The following APPBP2 variants were observed in gnomAD, a reference collection of about 807,000 sequenced individuals.
APPBP2 encodes the protein amyloid beta precursor protein binding protein 2, also known as amyloid protein-binding protein 2.
APPBP2 carries 15 observed loss-of-function variants against 76.0 expected under a neutral mutation model. That is an observed-to-expected ratio of 0.20 (90% CI 0.13 to 0.30). The LOEUF (loss-of-function observed/expected upper bound fraction) is 0.30, where lower values mean the gene tolerates loss of function less well. APPBP2 is among the 10% of genes least tolerant of loss of function. The pLI is 1.00. For synonymous variants in APPBP2, 222 were observed against 242.2 expected (o/e 0.92, Z 0.77); for missense variants, 401 against 687.2 (o/e 0.58, Z 4.66).
At chr17:60,464,189 T>C (rs2090494806) in intron 5 of APPBP2, 79 bp from the exon 6 acceptor site, 1 of 1,035,254 alleles carries the variant, frequency 9.7e-7, no homozygotes, top group South Asian at 1.4e-5. Flanking sequence ...CTGCAAAATT[T>C]TTCTACAAGC....
chr17:60,454,589 A>T, intron 10 of APPBP2, 97 bp from the exon 11 acceptor site: 1 of 735,196 alleles, frequency 1.4e-6, no homozygotes, highest in Non-Finnish European at 2.1e-6. Context: ...ATGTTTACTG[A>T]ATATATTTAT....
chr17:60,506,054 T>C (rs917519833), intron 1 of APPBP2, among the ~76,000 whole-genome samples: 9 of 151,396 alleles, frequency 5.9e-5, no homozygotes, highest in African/African-American at 2.2e-4. Flanking sequence ...GGCATGATCA[T>C]GACTCACTGG....
At chr17:60,470,235 AT>A (rs1374590372) in intron 4 of APPBP2, among the ~76,000 whole-genome samples, 3 of 151,852 alleles carry the variant, frequency 2.0e-5, no homozygotes, top group African/African-American at 7.3e-5. Flanking sequence ...CCTTGGGAAA[AT>A]GTCTATTCAA....
At chr17:60,508,479 C>T (rs1014923712) in intron 1 of APPBP2, among the ~76,000 whole-genome samples, 2 of 151,984 alleles carry the variant, frequency 1.3e-5, no homozygotes, top group Non-Finnish European at 1.5e-5. Flanking sequence ...ATTAAGAAAA[C>T]ACAAACTTGA....
chr17:60,468,946 T>C (rs771969148), intron 4 of APPBP2, among the ~76,000 whole-genome samples: 1 of 152,204 alleles, frequency 6.6e-6, no homozygotes, highest in Non-Finnish European at 1.5e-5. Flanking sequence ...ATATTTACCA[T>C]AAGACTGAAC....
chr17:60,523,364 G>A (rs1397598824), intron 1 of APPBP2, among the ~76,000 whole-genome samples: 1 of 151,996 alleles, frequency 6.6e-6, no homozygotes, highest in African/African-American at 2.4e-5. Flanking sequence ...GGCATGGGTG[G>A]CATACACCTG....
intron 3 of APPBP2, among the ~76,000 whole-genome samples, chr17:60,482,801 A>C (rs903986778): frequency 6.6e-6 from 1 of 152,148 alleles, no homozygotes; most frequent in Non-Finnish European, 1.5e-5. Flanking sequence ...CATGGTGTAT[A>C]TGCACCACAT....
intron 4 of APPBP2, among the ~76,000 whole-genome samples, chr17:60,472,716 A>G (rs1303313875): frequency 6.6e-6 from 1 of 152,226 alleles, no homozygotes; most frequent in African/African-American, 2.4e-5. Context: ...TACACAAAGA[A>G]TTAGCAGACA....
chr17:60,445,854 C>CTT lies in APPBP2; in HGVS notation c.*1725_*1726dup, dbSNP rs1414502004. The CTT allele has an allele frequency of 6.6e-6, 1 of 152,264 alleles. No homozygotes were observed. Among genetic ancestry groups the CTT allele is most frequent in the Non-Finnish European group, 1.5e-5 (1 of 68,152 alleles). The allele number at this position is 152,264 out of a possible 1,614,324, so 9.4% of individuals were successfully genotyped here. A position where few individuals can be genotyped will look rare whatever the true frequency, so the allele number is the denominator to read the frequency against. ...CTTAGGGTGTGGGTTTGCTTCATCTCTTTCAGTACATCCCCCAACCAACCC... is the reference window on the plus strand; with the variant it reads ...CTTAGGGTGTGGGTTTGCTTCATCTCTTTTTCAGTACATCCCCCAACCAACCC... On this transcript the variant is annotated 3_prime_UTR_variant, in exon 13 of 13. Transcript: ENST00000083182.
chr17:60,451,020 T>C (rs796460048), intron 12 of APPBP2, among the ~76,000 whole-genome samples: 76 of 152,332 alleles, frequency 5.0e-4, no homozygotes, highest in African/African-American at 1.8e-3. Context: ...ATTCCTTATT[T>C]TGATTTTGTA....
At chr17:60,500,612 C>A (rs769482610) in intron 1 of APPBP2, 125 bp from the exon 2 acceptor site, 1 of 703,706 alleles carries the variant, frequency 1.4e-6, no homozygotes. Flanking sequence ...AAATGTAACA[C>A]TAACAAATTT....
rs926694512 is a variant in APPBP2 at position 60,526,213 on chromosome 17, T to G, written c.-282A>C. The G allele has an allele frequency of 2.2e-5, 9 of 416,980 alleles. No individual in the cohort carries two copies. The highest frequency in any genetic ancestry group is 1.0e-4 in the East Asian group (2 of 19,086). The allele number at this position is 416,980 out of a possible 1,614,324, so 25.8% of individuals were successfully genotyped here. On this transcript the variant is annotated 5_prime_UTR_variant, in exon 1 of 13. Coordinates refer to ENST00000083182, the MANE Select transcript of APPBP2 (RefSeq NM_006380.5). ...AGGAACCCGGGTTCCGTCCCAGCGC[T>G]GATCTCTGCAGGGGCGGGGCTGCGT...
intron 1 of APPBP2, among the ~76,000 whole-genome samples, chr17:60,522,048 T>C (rs1238466201): frequency 6.6e-6 from 1 of 152,212 alleles, no homozygotes; most frequent in Non-Finnish European, 1.5e-5. Flanking sequence ...ATACACTCTC[T>C]GATGTTCCCA....
chr17:60,461,332 G>C (rs984242315), intron 8 of APPBP2: 1 of 153,848 alleles, frequency 6.5e-6, no homozygotes, highest in East Asian at 1.9e-4. Context: ...CTGAGATTGC[G>C]CCATTGCACT....
At position 60,493,544 on chromosome 17, in the gene APPBP2, G is replaced by A. The variant is rs370273750; in HGVS notation, c.379+922C>T. On this transcript the variant is annotated intron_variant, in intron 3 of 12. Transcript: ENST00000083182. ...AGAGGAGGTTTTGCTATGTTGCCCA[G>A]GCTGGTCTCGAACTCCTGGGCTCAA... Among the ~76,000 whole-genome samples, 226 of 151,934 alleles carry A rather than the reference G, an allele frequency of 1.5e-3. 1 individual carries two copies. Among genetic ancestry groups the A allele is most frequent in the African/African-American group, 4.9e-3 (204 of 41,448 alleles).
Position 60,460,746 on chromosome 17 carries a change from AT to A in APPBP2, c.977del (p.Asn326IlefsTer4). On this transcript the variant is annotated frameshift_variant, in exon 9 of 13. Transcript: ENST00000083182. LOFTEE classifies it high-confidence loss of function. ...CTTCATGAGCTGTTGCTACGTGGATATTTTTGCCACCAAACACTGACTGTCT... is the reference window on the plus strand; with the variant it reads ...CTTCATGAGCTGTTGCTACGTGGATATTTTGCCACCAAACACTGACTGTCT... ...DIRQSVFGGK[N>X]IHVATAHEDL... 6.2e-7 allele frequency: 1 copy of A among 1,613,818 alleles called. No individual in the cohort carries two copies. Among genetic ancestry groups the A allele is most frequent in the Non-Finnish European group, 8.5e-7 (1 of 1,179,818 alleles).
chr17:60,507,359 T>C (rs2090876881), intron 1 of APPBP2, among the ~76,000 whole-genome samples: 2 of 152,132 alleles, frequency 1.3e-5, no homozygotes, highest in East Asian at 1.9e-4. Context: ...ATAGCTGGGA[T>C]TAAAGGCATG....
chr17:60,486,071 T>C (rs1384486666), intron 3 of APPBP2, among the ~76,000 whole-genome samples: 2 of 151,912 alleles, frequency 1.3e-5, no homozygotes, highest in African/African-American at 4.8e-5. Flanking sequence ...AGACAGTTTG[T>C]TGTGATTTCT....
At chr17:60,453,953 C>T (rs1243409831) in intron 11 of APPBP2, among the ~76,000 whole-genome samples, 2 of 152,180 alleles carry the variant, frequency 1.3e-5, no homozygotes, top group Non-Finnish European at 2.9e-5. Flanking sequence ...GTCACTGCAG[C>T]CTCAACTTCT....
Sources: allele counts gnomAD v4.1 joint callset (sites outside exome capture counted in the v4.1 genomes callset), GRCh38; gene constraint gnomAD v4.1.1; transcripts MANE v1.5; gene names NCBI Gene and HGNC (gene_info 2026-07-23, HGNC 2026-07-21).